The following LRRTM4 variants were observed in gnomAD, a reference collection of about 807,000 sequenced individuals.
LRRTM4 encodes the protein leucine rich repeat transmembrane neuronal 4.
A neutral mutation model predicts 47.6 loss-of-function variants in LRRTM4; 25 were observed. That is an observed-to-expected ratio of 0.53 (90% CI 0.38 to 0.73). The LOEUF (loss-of-function observed/expected upper bound fraction) is 0.73. Among genes scored for constraint, LRRTM4 ranks in the 30% least tolerant of loss-of-function variants. The pLI, the probability that LRRTM4 is intolerant of heterozygous loss-of-function variation, is 0.00. For missense variants in LRRTM4, 638 were observed against 713.4 expected (o/e 0.89, Z 1.20); for synonymous variants, 311 against 269.5 (o/e 1.15, Z -1.51).
rs953604086 is a variant in LRRTM4, at chr2:77,089,488, C to T, written c.1552-340572G>A. On this transcript the variant is annotated intron_variant, in intron 3 of 3. Transcript: ENST00000409884. ...ATTTCCGTGCCCCGACCTCTTATTT[C>T]TGCGCCCCATCCCTTATTTCCATGC... Among the ~76,000 whole-genome samples, 204 of 151,918 alleles carry T rather than the reference C, an allele frequency of 1.3e-3. 1 individual carries two copies. Among genetic ancestry groups the T allele is most frequent in the African/African-American group, 4.6e-3 (189 of 41,430 alleles).
rs377567164 is a variant in LRRTM4, at chr2:77,429,998, G to A, written c.1551+88320C>T. On this transcript the variant is annotated intron_variant, in intron 3 of 3. Transcript: ENST00000409884. Reference sequence around the variant, plus strand: ...GGGGAATCACTTGGACCCAGGAGGCGGAGGTTGCAGTGAGCTGCAATTCTG... The same window carrying A: ...GGGGAATCACTTGGACCCAGGAGGCAGAGGTTGCAGTGAGCTGCAATTCTG... Among the ~76,000 whole-genome samples the A allele has an allele frequency of 9.9e-5, 15 of 152,202 alleles. No individual in the cohort carries two copies. The East Asian group carries it at 2.5e-3, about 26-fold the overall frequency.
Position 76,794,142 on chromosome 2 carries a change from G to C in LRRTM4, c.1552-45226C>G, listed in dbSNP as rs149846571. On this transcript the variant is annotated intron_variant, in intron 3 of 3. Coordinates refer to ENST00000409884, the MANE Select transcript of LRRTM4 (RefSeq NM_001134745.3). ...TTTGATTTTATGGAATGATTGATGA[G>C]CAGTTCATATGTAGGCCAGAGGTGA... is the stretch of plus-strand genomic sequence containing the variant. 4.0e-3 allele frequency among the ~76,000 whole-genome samples: 605 copies of C among 151,650 alleles called. 6 individuals carry two copies. Among genetic ancestry groups the C allele is most frequent in the Non-Finnish European group, 3.3e-3 (227 of 68,028 alleles).
chr2:77,247,982 T>C (rs2104006315), intron 3 of LRRTM4, among the ~76,000 whole-genome samples: 1 of 150,478 alleles, frequency 6.6e-6, no homozygotes, highest in East Asian at 1.9e-4. Flanking sequence ...TTTATATTAC[T>C]TAGAGAATGT....
At chr2:77,250,685 A>G (rs911072158) in intron 3 of LRRTM4, among the ~76,000 whole-genome samples, 1 of 152,228 alleles carries the variant, frequency 6.6e-6, no homozygotes. Context: ...GCAAAGGCTT[A>G]AGCACATGGG....
chr2:77,423,866 AG>A (rs1254206809), intron 3 of LRRTM4, among the ~76,000 whole-genome samples: 1 of 152,214 alleles, frequency 6.6e-6, no homozygotes, highest in African/African-American at 2.4e-5. Flanking sequence ...GCCTGGGTTC[AG>A]GAATCCCAAA....
At chr2:77,312,708 C>G (rs984387912) in intron 3 of LRRTM4, among the ~76,000 whole-genome samples, 1 of 151,976 alleles carries the variant, frequency 6.6e-6, no homozygotes, top group African/African-American at 2.4e-5. Context: ...AAAATCTTTT[C>G]TAACTAAATG....
intron 3 of LRRTM4, among the ~76,000 whole-genome samples, chr2:76,986,948 A>G (rs928095960): frequency 1.3e-5 from 2 of 151,986 alleles, no homozygotes; most frequent in African/African-American, 4.8e-5. Context: ...ACTAGGTAGC[A>G]TAAACTATTC....
At chr2:76,844,165 C>T (rs748277340) in intron 3 of LRRTM4, among the ~76,000 whole-genome samples, 9 of 150,654 alleles carry the variant, frequency 6.0e-5, no homozygotes, top group South Asian at 2.1e-4. Context: ...GACAGACTCT[C>T]ACGCTGTCGT....
In LRRTM4 at chr2:77,517,605, C is replaced by A; in HGVS notation, c.1551+713G>T. The A allele has an allele frequency of 6.1e-6, 6 of 983,258 alleles. No individual in the cohort carries two copies. The South Asian group carries it at 2.8e-4, about 46-fold the overall frequency. The allele number at this position is 983,258 out of a possible 1,614,324, so 60.9% of individuals were successfully genotyped here. ...AAACCTTTGAAATCGGATCTATATC[C>A]CAGTAATTAAAAAACAAACAAACAA... On this transcript the variant is annotated intron_variant, in intron 3 of 3. Transcript: ENST00000409884.
At chr2:77,449,409 T>C (rs1325013058) in intron 3 of LRRTM4, among the ~76,000 whole-genome samples, 1 of 152,178 alleles carries the variant, frequency 6.6e-6, no homozygotes, top group Non-Finnish European at 1.5e-5. Flanking sequence ...AAGTAGATAA[T>C]GTACAGAGTG....
At chr2:76,861,120 T>G (rs1672299707) in intron 3 of LRRTM4, among the ~76,000 whole-genome samples, 1 of 152,146 alleles carries the variant, frequency 6.6e-6, no homozygotes, top group East Asian at 1.9e-4. Flanking sequence ...ATTTTGCCTC[T>G]TTAGGTTTTG....
chr2:76,869,403 A>T (rs926175198), intron 3 of LRRTM4, among the ~76,000 whole-genome samples: 1 of 152,298 alleles, frequency 6.6e-6, no homozygotes, highest in South Asian at 2.1e-4. Context: ...TACAACAGGA[A>T]TAGTCACCAG....
chr2:76,807,408 GTATATATA>G (rs1217096293), intron 3 of LRRTM4, among the ~76,000 whole-genome samples: 1 of 40,304 alleles, frequency 2.5e-5, no homozygotes, highest in Non-Finnish European at 4.7e-5. Flanking sequence ...ATGTATATAC[GTATATATA>G]TATATATACA....
At chr2:76,849,734 A>G (rs12052574) in intron 3 of LRRTM4, among the ~76,000 whole-genome samples, 30,150 of 151,996 alleles carry the variant, frequency 0.2, 4,270 homozygotes, top group East Asian at 0.46. Context: ...CGAAAAGATT[A>G]TAGTCTTTTT....
intron 3 of LRRTM4, among the ~76,000 whole-genome samples, chr2:76,803,694 G>A (rs1212142385): frequency 6.6e-6 from 1 of 152,132 alleles, no homozygotes; most frequent in Non-Finnish European, 1.5e-5. Context: ...GTCTACAAAT[G>A]CTATCCTCAT....
At chr2:76,773,241 G>A (rs1558642718) in intron 3 of LRRTM4, among the ~76,000 whole-genome samples, 1 of 152,238 alleles carries the variant, frequency 6.6e-6, no homozygotes, top group Non-Finnish European at 1.5e-5. Flanking sequence ...AGCAAACCCA[G>A]ATGGCCTAAT....
intron 3 of LRRTM4, among the ~76,000 whole-genome samples, chr2:76,765,333 TG>T (rs1227509473): frequency 1.3e-5 from 2 of 152,168 alleles, no homozygotes; most frequent in African/African-American, 2.4e-5. Context: ...TTTGAGAGTT[TG>T]GAGTTTATAC....
At chr2:77,232,137 A>G (rs1674981921) in intron 3 of LRRTM4, among the ~76,000 whole-genome samples, 1 of 152,210 alleles carries the variant, frequency 6.6e-6, no homozygotes, top group African/African-American at 2.4e-5. Flanking sequence ...GTGGTAAGAC[A>G]TAAATGGGAA....
At chr2:77,060,345 G>T (rs1679745539) in intron 3 of LRRTM4, among the ~76,000 whole-genome samples, 1 of 152,066 alleles carries the variant, frequency 6.6e-6, no homozygotes, top group African/African-American at 2.4e-5. Flanking sequence ...GTAATATAAA[G>T]ATGCTATTGG....
Sources: allele counts gnomAD v4.1 joint callset (sites outside exome capture counted in the v4.1 genomes callset), GRCh38; gene constraint gnomAD v4.1.1; transcripts MANE v1.5; gene names NCBI Gene and HGNC (gene_info 2026-07-23, HGNC 2026-07-21).